Variants in CNNM2 observed in about 807,000 individuals in gnomAD.
CNNM2 encodes the protein cyclin and CBS domain divalent metal cation transport mediator 2.
Under a neutral mutation model 66.9 loss-of-function variants are expected in CNNM2, and 12 were observed. The observed-to-expected ratio is 0.18, with a 90% CI of 0.11 to 0.29. The LOEUF is 0.29. Ranked by LOEUF, CNNM2 falls within the 10% of genes least tolerant of loss-of-function variation. CNNM2 has a pLI of 1.00. For synonymous variants in CNNM2, 557 were observed against 501.8 expected, an observed-to-expected ratio of 1.11 and a Z score of -1.47; for missense variants, 705 against 1,167.7, an observed-to-expected ratio of 0.60 and a Z score of 5.77.
chr10:103,016,647 A>G (rs750920822), intron 1 of CNNM2, among the ~76,000 whole-genome samples: 6 of 152,182 alleles, frequency 3.9e-5, no homozygotes, highest in Admixed American at 6.5e-5. Context: ...TAAACTTTCT[A>G]TGATGTAACT....
At chr10:102,997,456 C>G (rs778351273) in intron 1 of CNNM2, among the ~76,000 whole-genome samples, 21 of 152,104 alleles carry the variant, frequency 1.4e-4, no homozygotes, top group Non-Finnish European at 1.5e-5. Context: ...TCTGTTTTCT[C>G]TTTCTGGATA....
intron 1 of CNNM2, among the ~76,000 whole-genome samples, chr10:102,990,185 C>G (rs543353585): frequency 6.6e-6 from 1 of 152,050 alleles, no homozygotes; most frequent in African/African-American, 2.4e-5. Context: ...AGGCTGATCT[C>G]GAACTCCTCA....
At chr10:102,927,526 C>T in intron 1 of CNNM2, 2 of 1,465,726 alleles carry the variant, frequency 1.4e-6, no homozygotes, top group Non-Finnish European at 1.8e-6. Context: ...TTGGGAGGCC[C>T]AGGGAGGTGG....
chr10:103,033,762 G>A (rs1009997927), intron 1 of CNNM2, among the ~76,000 whole-genome samples: 3 of 152,174 alleles, frequency 2.0e-5, no homozygotes, highest in Admixed American at 2.0e-4. Context: ...TGGGATTACA[G>A]GCGTGAGCCA....
At chr10:103,027,743 G>T (rs2064734783) in intron 1 of CNNM2, among the ~76,000 whole-genome samples, 1 of 152,100 alleles carries the variant, frequency 6.6e-6, no homozygotes, top group South Asian at 2.1e-4. Flanking sequence ...CATTTGAGAT[G>T]ATTTTTAGCT....
chr10:103,073,868 CAAAAAAAAA>C (rs61331007), intron 6 of CNNM2, among the ~76,000 whole-genome samples: 9 of 70,246 alleles, frequency 1.3e-4, no homozygotes, highest in Admixed American at 2.2e-4. Flanking sequence ...GACTCCGTCT[CAAAAAAAAA>C]AAAAAAAAAA....
intron 1 of CNNM2, among the ~76,000 whole-genome samples, chr10:102,984,702 C>G (rs1400211572): frequency 4.6e-5 from 7 of 152,166 alleles, no homozygotes. Flanking sequence ...CTCTGTCACC[C>G]AGGCTGGAGT....
intron 1 of CNNM2, among the ~76,000 whole-genome samples, chr10:103,048,276 C>T (rs1442739326): frequency 6.8e-6 from 1 of 147,122 alleles, no homozygotes; most frequent in Non-Finnish European, 1.5e-5. Context: ...AGTGCAGTGG[C>T]ACAATCTCGG....
intron 1 of CNNM2, among the ~76,000 whole-genome samples, chr10:103,043,404 T>C (rs2065076505): frequency 6.6e-6 from 1 of 152,228 alleles, no homozygotes; most frequent in African/African-American, 2.4e-5. Context: ...CATTGTCTGA[T>C]AGCAAACAAG....
At position 103,080,098 on chromosome 10, in the gene CNNM2, G is replaced by C. The variant is rs907693785; in HGVS notation, c.*2918G>C. The stretch of plus-strand genomic sequence containing the variant: ...CACCTCCGCTGGACTGCCCTCCCGC[G>C]GCGGTGACCTTTTCAAGTGTGGAAG... On this transcript the variant is annotated 3_prime_UTR_variant, in exon 8 of 8. Transcript: ENST00000369878. 1 of 152,204 alleles carries C rather than the reference G, an allele frequency of 6.6e-6. No individual in the cohort carries two copies. The highest frequency in any genetic ancestry group is 2.4e-5 in the African/African-American group (1 of 41,422). The allele number at this position is 152,204 out of a possible 1,614,324, so 9.4% of individuals were successfully genotyped here.
In CNNM2 at chr10:103,003,551, C is replaced by T. The variant is rs10883819; in HGVS notation, c.1622-46156C>T. ...TGCATGTCATGAAATAAACTGGGTG[C>T]GTTGGCTCATGCCTGTAATCCTAGC... On this transcript the variant is annotated intron_variant, in intron 1 of 7. Transcript: ENST00000369878. 0.2 allele frequency among the ~76,000 whole-genome samples: 30,927 copies of T among 151,994 alleles called. 3,290 individuals are homozygous for T. Among genetic ancestry groups the T allele is most frequent in the Non-Finnish European group, 0.22 (15,075 of 67,974 alleles).
At chr10:102,991,446 C>T (rs568043751) in intron 1 of CNNM2, among the ~76,000 whole-genome samples, 1 of 152,238 alleles carries the variant, frequency 6.6e-6, no homozygotes, top group Non-Finnish European at 1.5e-5. Context: ...GGGTTACTTC[C>T]TTGCCCCATT....
intron 1 of CNNM2, among the ~76,000 whole-genome samples, chr10:103,002,487 T>TTTC: frequency 6.6e-6 from 1 of 151,562 alleles, no homozygotes; most frequent in African/African-American, 2.4e-5. Flanking sequence ...ATCTTTTTTT[T>TTTC]TTTTTTTTTG....
At chr10:102,925,296 CAAAAAAAAA>C (rs10624810) in intron 1 of CNNM2, among the ~76,000 whole-genome samples, 5 of 17,760 alleles carry the variant, frequency 2.8e-4, no homozygotes, top group Admixed American at 1.9e-3. Flanking sequence ...AACTCCATCT[CAAAAAAAAA>C]AAAAAAAAAA....
chr10:102,920,381 T>A (rs535178832), intron 1 of CNNM2, among the ~76,000 whole-genome samples: 9 of 152,248 alleles, frequency 5.9e-5, no homozygotes, highest in South Asian at 4.1e-4. Flanking sequence ...TATTTATTTT[T>A]TTTTTTTTGG....
chr10:102,955,454 A>G (rs1846998463), intron 1 of CNNM2, among the ~76,000 whole-genome samples: 1 of 152,232 alleles, frequency 6.6e-6, no homozygotes, highest in Admixed American at 6.5e-5. Flanking sequence ...CATTCAGGAT[A>G]TAGGCATGGG....
chr10:103,021,725 T>G (rs1018309221), intron 1 of CNNM2, among the ~76,000 whole-genome samples: 4 of 151,320 alleles, frequency 2.6e-5, no homozygotes, highest in Non-Finnish European at 5.9e-5. Flanking sequence ...AGGGCAACAT[T>G]GTCGGTGTTC....
chr10:102,969,894 C>T (rs1355871783), intron 1 of CNNM2, among the ~76,000 whole-genome samples: 3 of 152,086 alleles, frequency 2.0e-5, no homozygotes, highest in East Asian at 1.9e-4. Context: ...CCGCCCACCT[C>T]GGCCTCCCAA....
At position 103,015,726 on chromosome 10, in the gene CNNM2, G is replaced by A. The variant is rs7090337; in HGVS notation, c.1622-33981G>A. On this transcript the variant is annotated intron_variant, in intron 1 of 7. Transcript: ENST00000369878. Reference sequence around the variant, plus strand: ...AGATTAGCCAGGCGTAGTGCTGCACGTCTGTAATCCCAGCTACTCGGGAGG... The same window carrying A: ...AGATTAGCCAGGCGTAGTGCTGCACATCTGTAATCCCAGCTACTCGGGAGG... Among the ~76,000 whole-genome samples the A allele has an allele frequency of 0.42, 64,052 of 151,908 alleles. 14,295 individuals carry two copies. The highest frequency in any genetic ancestry group is 0.58 in the African/African-American group (23,827 of 41,360).
Sources: allele counts gnomAD v4.1 joint callset (sites outside exome capture counted in the v4.1 genomes callset), GRCh38; gene constraint gnomAD v4.1.1; transcripts MANE v1.5; gene names NCBI Gene and HGNC (gene_info 2026-07-23, HGNC 2026-07-21).